The following ADPRHL1 variants were observed in gnomAD, a reference collection of about 807,000 sequenced individuals.
The protein encoded by ADPRHL1 is inactive ADP-ribosyltransferase ARH2.
Under a neutral mutation model 44.1 loss-of-function variants are expected in ADPRHL1, and 43 were observed. The observed-to-expected ratio is 0.98, with a 90% CI of 0.76 to 1.26. The LOEUF (loss-of-function observed/expected upper bound fraction) is 1.26. Ranked by LOEUF, ADPRHL1 falls within the 50% of genes most tolerant of loss-of-function variation. The probability of loss-of-function intolerance (pLI) is 0.00; values close to 1 mark genes in which losing one functional copy is unlikely to be tolerated. For synonymous variants in ADPRHL1, 878 were observed against 1,017.4 expected, an observed-to-expected ratio of 0.86 and a Z score of 2.61; for missense variants, 2,022 against 2,496.9, an observed-to-expected ratio of 0.81 and a Z score of 4.05.
intron 2 of ADPRHL1, 120 bp downstream of exon 2, chr13:113,444,305 G>T: frequency 7.4e-7 from 1 of 1,360,280 alleles, no homozygotes; most frequent in Non-Finnish European, 1.0e-6. Context: ...AGGGACTCTA[G>T]GCAGATCCGG....
In ADPRHL1 at chr13:113,453,365, C is replaced by A; in HGVS notation, c.73G>T (p.Glu25Ter). The A allele has an allele frequency of 6.2e-7, 1 of 1,614,186 alleles. No individual in the cohort carries two copies. The highest frequency in any genetic ancestry group is 8.5e-7 in the Non-Finnish European group (1 of 1,180,038). The change falls in exon 1 of 8, where the codon GAG (glutamate) becomes TAG (stop). Residue 25 changes from glutamate to a stop codon, truncating the protein, a stop_gained. Coordinates refer to ENST00000612156, the MANE Select transcript of ADPRHL1 (RefSeq NM_001394807.1). LOFTEE classifies it high-confidence loss of function. This position sits in a 1 kb window ranked among gnomAD's most constrained non-coding sequence, Gnocchi z 5.4. Reference sequence around the variant, plus strand: ...ATCTTCATGCCTACAGTGCTGTTCTCCTTGCAGACATTTCTGTAGCCAAGA... The same window carrying A: ...ATCTTCATGCCTACAGTGCTGTTCTACTTGCAGACATTTCTGTAGCCAAGA... ...DALGYRNVCK[E>*]NSTVGMKIQE...
chr13:113,407,285 C>T lies in ADPRHL1; in HGVS notation c.1997G>A (p.Gly666Glu). The change falls in exon 8 of 8, where the codon GGG becomes GAG. Residue 666 changes from glycine (G) to glutamate (E), a missense_variant. By Grantham distance (98) the Gly-to-Glu change is moderately conservative (BLOSUM62 -2). This residue lies in a region of ADPRHL1 where 1,221 missense variants were observed against 1,517.8 expected (regional missense o/e 0.80). Coordinates refer to ENST00000612156, the MANE Select transcript of ADPRHL1 (RefSeq NM_001394807.1). ...PPSARETGPS[G>E]NKAVGKGPLE... ...GGGCCCCTTTCCCACTGCTTTGTTCCCACTGGGCCCCGTCTCCCTGGCACT... is the reference window on the plus strand; with the variant it reads ...GGGCCCCTTTCCCACTGCTTTGTTCTCACTGGGCCCCGTCTCCCTGGCACT... 2 of 1,232,080 alleles carry T rather than the reference C, an allele frequency of 1.6e-6. No individual in the cohort carries two copies. Among genetic ancestry groups the T allele is most frequent in the Non-Finnish European group, 2.0e-6 (2 of 988,066 alleles). The allele number at this position is 1,232,080 out of a possible 1,614,324, so 76.3% of individuals were successfully genotyped here.
rs904674906 is a variant in ADPRHL1 at position 113,441,957 on chromosome 13, C to T, written c.379+2468G>A. On this transcript the variant is annotated intron_variant, in intron 2 of 7. Transcript: ENST00000612156. The surrounding 1 kb of genome is among the most constrained non-coding windows in gnomAD (Gnocchi z 6.0). ...TCCGTGTCTCTGTCACGTTGTGTCC[C>T]GCCACGCGGCGTCCGCGTCTCTATC... Among the ~76,000 whole-genome samples the T allele has an allele frequency of 4.6e-5, 7 of 152,242 alleles. No homozygotes were observed. The highest frequency in any genetic ancestry group is 2.1e-4 in the South Asian group (1 of 4,836).
chr13:113,426,993 A>G (rs2043972932), intron 4 of ADPRHL1, among the ~76,000 whole-genome samples: 1 of 152,222 alleles, frequency 6.6e-6, no homozygotes, highest in South Asian at 2.1e-4. Flanking sequence ...TCTGTTAAAA[A>G]GGTTTCTGTG....
chr13:113,412,548 A>C (rs2043860102), intron 7 of ADPRHL1, among the ~76,000 whole-genome samples: 1 of 152,156 alleles, frequency 6.6e-6, no homozygotes. Context: ...CCAGCTCCCC[A>C]CTAGAGCAGA....
chr13:113,446,405 A>C (rs2139650941), intron 1 of ADPRHL1, among the ~76,000 whole-genome samples: 1 of 152,248 alleles, frequency 6.6e-6, no homozygotes, highest in East Asian at 1.9e-4. Flanking sequence ...GTGTCCTCCT[A>C]CCACCAGTTC....
At chr13:113,428,217 C>T (rs556146099) in intron 4 of ADPRHL1, among the ~76,000 whole-genome samples, 3 of 132,670 alleles carry the variant, frequency 2.3e-5, no homozygotes, top group Non-Finnish European at 3.1e-5. Context: ...GCACTCCAGC[C>T]TGGGTGACGA....
intron 4 of ADPRHL1, among the ~76,000 whole-genome samples, chr13:113,427,208 G>A (rs1335682401): frequency 6.6e-6 from 1 of 152,234 alleles, no homozygotes; most frequent in African/African-American, 2.4e-5. Context: ...ACTGTTCTCA[G>A]AAAATGCTTT....
At chr13:113,440,257 C>T (rs982271625) in intron 2 of ADPRHL1, among the ~76,000 whole-genome samples, 9 of 152,264 alleles carry the variant, frequency 5.9e-5, no homozygotes, top group Middle Eastern at 3.4e-3. Flanking sequence ...GTTTTTGCTT[C>T]ATATATTCTG....
chr13:113,420,470 G>A (rs528579906), intron 7 of ADPRHL1, among the ~76,000 whole-genome samples: 14 of 152,166 alleles, frequency 9.2e-5, no homozygotes, highest in Admixed American at 9.2e-4. Context: ...CCCACTTTCC[G>A]GTAAGCGGGC....
Position 113,406,730 on chromosome 13 carries a change from T to C in ADPRHL1, c.2552A>G (p.His851Arg). 2 of 1,232,022 alleles carry C rather than the reference T, an allele frequency of 1.6e-6. No individual in the cohort carries two copies. The highest frequency in any genetic ancestry group is 2.0e-6 in the Non-Finnish European group (2 of 987,998). The allele number at this position is 1,232,022 out of a possible 1,614,324, so 76.3% of individuals were successfully genotyped here. ...PRITVQIPVVHEMPAPPTRLQ... is the reference protein window; with the variant it reads ...PRITVQIPVVREMPAPPTRLQ... ...CCTGGTGGGAGGGGCTGGCATTTCATGGACAACTGGAATTTGGACAGTTAT... is the reference window on the plus strand; with the variant it reads ...CCTGGTGGGAGGGGCTGGCATTTCACGGACAACTGGAATTTGGACAGTTAT... Residue 851 changes from histidine to arginine, a missense_variant, in exon 8 of 8, where the codon CAT becomes CGT. By Grantham distance (29) the His-to-Arg change is conservative. This residue lies in a region of ADPRHL1 where 1,221 missense variants were observed against 1,517.8 expected (regional missense o/e 0.80). Coordinates refer to ENST00000612156, the MANE Select transcript of ADPRHL1 (RefSeq NM_001394807.1).
chr13:113,409,434 G>A lies in ADPRHL1; in HGVS notation c.1062-1214C>T. On this transcript the variant is annotated intron_variant, in intron 7 of 7. Coordinates refer to ENST00000612156, the MANE Select transcript of ADPRHL1 (RefSeq NM_001394807.1). This position sits in a 1 kb window ranked among gnomAD's most constrained non-coding sequence, Gnocchi z 4.2. ...TATTACAGGAAAAGTCGCCTTCATG[G>A]TGCCGTTTATAATGTTGAAAAATCT... 1 of 985,398 alleles carries A rather than the reference G, an allele frequency of 1.0e-6. No homozygotes were observed. Among genetic ancestry groups the A allele is most frequent in the South Asian group, 4.7e-5 (1 of 21,288 alleles). 61.0% of individuals were successfully genotyped at this position (985,398 alleles called of 1,614,324 possible).
intron 2 of ADPRHL1, among the ~76,000 whole-genome samples, chr13:113,435,050 A>G (rs375695137): frequency 0.038 from 1,293 of 34,418 alleles, 1 homozygote; most frequent in Middle Eastern, 0.1. Context: ...GGTGTACCCC[A>G]GGACCCGGCA....
At chr13:113,449,709 A>T (rs1012275700) in intron 1 of ADPRHL1, among the ~76,000 whole-genome samples, 8 of 152,200 alleles carry the variant, frequency 5.3e-5, no homozygotes, top group Non-Finnish European at 1.5e-5. Flanking sequence ...GGGGTGAAGG[A>T]CTTTTCAGTG....
At chr13:113,411,779 G>A (rs1170378801) in intron 7 of ADPRHL1, among the ~76,000 whole-genome samples, 1 of 152,246 alleles carries the variant, frequency 6.6e-6, no homozygotes, top group African/African-American at 2.4e-5. Context: ...TCAGGATGAC[G>A]CCCTTGGCGG....
At position 113,405,364 on chromosome 13, in the gene ADPRHL1, A is replaced by G; in HGVS notation, c.3918T>C (p.Arg1306=). The change falls in exon 8 of 8, where the codon CGT becomes CGC. Residue 1306 remains arginine, a synonymous_variant. Coordinates refer to ENST00000612156, the MANE Select transcript of ADPRHL1 (RefSeq NM_001394807.1). ...GAAGCAGATGGTCAGGCTCCGCCCC[A>G]CGGGGAAACCTGACGCCCTCCCTGC... ...AKGREGVRFP[R]GAEPDHLLPA... 8.1e-7 allele frequency: 1 copy of G among 1,231,820 alleles called. No homozygotes were observed. The highest frequency in any genetic ancestry group is 1.0e-6 in the Non-Finnish European group (1 of 988,028). 76.3% of individuals were successfully genotyped at this position (1,231,820 alleles called of 1,614,324 possible).
At position 113,406,380 on chromosome 13, in the gene ADPRHL1, G is replaced by A; in HGVS notation, c.2902C>T (p.Pro968Ser). 1 of 1,232,080 alleles carries A rather than the reference G, an allele frequency of 8.1e-7. No individual in the cohort carries two copies. 76.3% of individuals were successfully genotyped at this position (1,232,080 alleles called of 1,614,324 possible). Residue 968 changes from proline to serine, a missense_variant, in exon 8 of 8, where the codon CCC becomes TCC. Physicochemically the swap from Pro to Ser is moderately conservative, Grantham distance 74 (BLOSUM62 -1). This residue lies in a region of ADPRHL1 where 1,221 missense variants were observed against 1,517.8 expected (regional missense o/e 0.80). Transcript: ENST00000612156. Reference protein sequence around the residue: ...NKGSFENSHGPRNPDDISGER... With the variant: ...NKGSFENSHGSRNPDDISGER... ...CCTGAAATATCGTCAGGATTCCTGG[G>A]ACCGTGTGAATTCTCAAAGCTGCCT...
rs1566480529 is a variant in ADPRHL1 at position 113,441,117 on chromosome 13, C to A, written c.379+3308G>T. Among the ~76,000 whole-genome samples, 1 of 152,190 alleles carries A rather than the reference C, an allele frequency of 6.6e-6. No individual in the cohort carries two copies. Among genetic ancestry groups the A allele is most frequent in the Non-Finnish European group, 1.5e-5 (1 of 68,044 alleles). ...GCAGTGAGCCAAAATTGCGCCACTG[C>A]ACTCCAATCTGGGCGACAGAGCAAG... On this transcript the variant is annotated intron_variant, in intron 2 of 7. Coordinates refer to ENST00000612156, the MANE Select transcript of ADPRHL1 (RefSeq NM_001394807.1). The surrounding 1 kb of genome is among the most constrained non-coding windows in gnomAD (Gnocchi z 6.0).
Position 113,453,199 on chromosome 13 carries a change from C to G in ADPRHL1, c.214+25G>C. The G allele has an allele frequency of 6.2e-7, 1 of 1,613,326 alleles. No individual in the cohort carries two copies. Among genetic ancestry groups the G allele is most frequent in the Non-Finnish European group, 8.5e-7 (1 of 1,179,640 alleles). On this transcript the variant is annotated intron_variant, in intron 1 of 7. Transcript: ENST00000612156. This position sits in a 1 kb window ranked among gnomAD's most constrained non-coding sequence, Gnocchi z 5.4. ...GCCAGTGTTCCCTCCAGCCCGCACA[C>G]CGGAGCGCGGTGGGCCCAGCCTACC...
Sources: gnomAD v4.1 joint callset for allele counts (sites outside exome capture counted in the v4.1 genomes callset) on GRCh38, gnomAD v4.1.1 for gene constraint, gnomAD v4.1.1 regional missense constraint, Gnocchi (gnomAD v3.1) non-coding constraint, MANE v1.5 for transcripts, NCBI Gene and HGNC (gene_info 2026-07-23, HGNC 2026-07-21) for gene names.